ZNF550: variants seen among roughly 807,000 people sequenced by gnomAD.
ZNF550 encodes the protein zinc finger protein 550.
ZNF550 carries 42 observed loss-of-function variants against 40.2 expected under a neutral mutation model. The ratio of observed to expected loss-of-function variants is 1.05; its 90% confidence interval spans 0.82 to 1.35. The LOEUF (loss-of-function observed/expected upper bound fraction) is 1.35. Ranked by LOEUF, ZNF550 falls within the 40% of genes most tolerant of loss-of-function variation. The probability of loss-of-function intolerance (pLI) is 0.00; values close to 1 mark genes in which losing one functional copy is unlikely to be tolerated. For synonymous variants in ZNF550, 223 were observed against 198.6 expected, an observed-to-expected ratio of 1.12 and a Z score of -1.03; for missense variants, 549 against 525.2, an observed-to-expected ratio of 1.05 and a Z score of -0.44.
chr19:57,559,620 C>G (rs1309289518), intron 1 of ZNF550, 36 bp downstream of exon 1: 2 of 1,467,386 alleles, frequency 1.4e-6, no homozygotes, highest in African/African-American at 2.8e-5. Context: ...GACACTGAGG[C>G]CGGGTGGCCG....
chr19:57,545,466 G>A lies in ZNF550; in HGVS notation c.*518+991C>T, dbSNP rs111580525. Among the ~76,000 whole-genome samples the A allele has an allele frequency of 6.3e-3, 964 of 152,280 alleles. 7 individuals carry two copies. Among genetic ancestry groups the A allele is most frequent in the Middle Eastern group, 0.01 (3 of 294 alleles). ...GGATTAAAGAATCTGATAAACACCA[G>A]AAAGAATTAGGACTCATCTGAGAAG... On this transcript the variant is annotated intron_variant, in intron 4 of 4. Transcript: ENST00000457177.
At chr19:57,544,684 T>C (rs1053647324) in intron 4 of ZNF550, 1 of 783,212 alleles carries the variant, frequency 1.3e-6, no homozygotes, top group Non-Finnish European at 1.5e-6. Context: ...TATGAAAACA[T>C]GAATATATAT....
At chr19:57,559,607 CG>C in intron 1 of ZNF550, 48 bp downstream of exon 1, 1 of 1,449,726 alleles carries the variant, frequency 6.9e-7, no homozygotes, top group Non-Finnish European at 9.2e-7. Flanking sequence ...TCGTCGGGCC[CG>C]GGACACTGAG....
At chr19:57,546,737 G>GAGA (rs2090013242) in exon 4 of ZNF550, 1 of 1,280,322 alleles carries the variant, frequency 7.8e-7, no homozygotes, top group African/African-American at 1.5e-5. Context: ...GAATCCTTCT[G>GAGA]CAATGAGTGA....
intron 2 of ZNF550, chr19:57,556,030 G>T: frequency 1.7e-6 from 1 of 585,140 alleles, no homozygotes; most frequent in South Asian, 1.9e-5. Context: ...CCTCAGAATG[G>T]GCTGAGCACT....
At chr19:57,559,573 G>C (rs986269849) in intron 1 of ZNF550, 83 bp downstream of exon 1, 1 of 1,360,580 alleles carries the variant, frequency 7.3e-7, no homozygotes, top group Non-Finnish European at 9.8e-7. Context: ...CACTGAGGAC[G>C]ACCCTGAAAC....
upstream of ZNF550, among the ~76,000 whole-genome samples, chr19:57,560,905 C>G (rs2090161650): frequency 6.6e-6 from 1 of 152,192 alleles, no homozygotes; most frequent in African/African-American, 2.4e-5. Context: ...TTGATGTTTT[C>G]CCCCTTCTCC....
At chr19:57,557,436 C>T (rs1331800097) in intron 1 of ZNF550, 1 of 152,046 alleles carries the variant, frequency 6.6e-6, no homozygotes, top group African/African-American at 2.4e-5. Flanking sequence ...CCTTTGCTCA[C>T]ATGTTTTCCT....
chr19:57,547,204 G>A, exon 4 of ZNF550: 2 of 1,611,414 alleles, frequency 1.2e-6, no homozygotes, highest in South Asian at 1.1e-5. Context: ...CTTTCCACAT[G>A]CCATGCAATC....
chr19:57,553,705 G>A (rs746758561), intron 2 of ZNF550: 2 of 152,076 alleles, frequency 1.3e-5, no homozygotes, highest in Non-Finnish European at 2.9e-5. Flanking sequence ...GGCCCCAGGA[G>A]GCATTTTCTA....
chr19:57,547,755 C>T, exon 4 of ZNF550: 1 of 1,614,118 alleles, frequency 6.2e-7, no homozygotes, highest in East Asian at 2.2e-5. Flanking sequence ...CATCATCTGT[C>T]CCCAAACCTT....
At chr19:57,543,242 T>A in exon 5 of ZNF550, 1 of 949,264 alleles carries the variant, frequency 1.1e-6, no homozygotes, top group South Asian at 4.9e-5. Flanking sequence ...TAAGCAGTTT[T>A]TCTGAAATTA....
intron 2 of ZNF550, 166 bp from the exon 3 acceptor site, chr19:57,552,888 A>G: frequency 1.7e-6 from 1 of 581,814 alleles, no homozygotes; most frequent in Non-Finnish European, 3.1e-6. Context: ...GCTCTGAGTG[A>G]GCTGTGTTCC....
exon 5 of ZNF550, chr19:57,543,178 GT>G: frequency 1.1e-6 from 1 of 922,614 alleles, no homozygotes; most frequent in East Asian, 1.2e-4. Flanking sequence ...CGGTGTTGTA[GT>G]TCTATTATGT....
chr19:57,544,600 A>C, intron 4 of ZNF550: 1 of 985,370 alleles, frequency 1.0e-6, no homozygotes, highest in Non-Finnish European at 1.2e-6. Context: ...AAACAAAAAC[A>C]GAGAACTCTT....
intron 1 of ZNF550, among the ~76,000 whole-genome samples, chr19:57,559,245 G>C (rs996233413): frequency 3.9e-5 from 6 of 152,178 alleles, no homozygotes; most frequent in African/African-American, 7.2e-5. Context: ...CCAGGGAGCC[G>C]TTCAAGCTTC....
chr19:57,556,557 T>G (rs2090123363), intron 1 of ZNF550, 200 bp from the exon 2 acceptor site: 2 of 542,166 alleles, frequency 3.7e-6, no homozygotes, highest in Non-Finnish European at 6.4e-6. Context: ...GAGAAAAGCC[T>G]TCTATGGGGA....
chr19:57,544,284 G>A, intron 4 of ZNF550: 1 of 985,408 alleles, frequency 1.0e-6, no homozygotes, highest in Non-Finnish European at 1.2e-6. Flanking sequence ...AAACACTTCA[G>A]TGAAGACTGT....
At chr19:57,549,141 C>A (rs1356404691) in intron 3 of ZNF550, among the ~76,000 whole-genome samples, 2 of 152,130 alleles carry the variant, frequency 1.3e-5, no homozygotes, top group Non-Finnish European at 2.9e-5. Flanking sequence ...ATAATTTATT[C>A]TATACTTTGA....
Sources: allele counts gnomAD v4.1 joint callset (sites outside exome capture counted in the v4.1 genomes callset), GRCh38; gene constraint gnomAD v4.1.1; transcripts MANE v1.5; gene names NCBI Gene and HGNC (gene_info 2026-07-23, HGNC 2026-07-21).